DAB1: variants seen among roughly 807,000 people sequenced by gnomAD.
DAB1 encodes disabled homolog 1.
DAB1 carries 15 observed loss-of-function variants against 64.6 expected under a neutral mutation model. The ratio of observed to expected loss-of-function variants is 0.23; its 90% CI spans 0.16 to 0.36. The LOEUF is 0.36. DAB1 is among the 10% of genes least tolerant of loss of function. The pLI, the probability that DAB1 is intolerant of heterozygous loss-of-function variation, is 1.00. For missense variants in DAB1, 596 were observed against 706.7 expected (o/e 0.84, Z 1.78); for synonymous variants, 235 against 251.9 (o/e 0.93, Z 0.64).
chr1:58,364,947 T>C (rs1644203342), intron 3 of DAB1, among the ~76,000 whole-genome samples: 2 of 152,230 alleles, frequency 1.3e-5, no homozygotes, highest in African/African-American at 4.8e-5. Context: ...CTTACTCTGG[T>C]TGCTGTCATT....
chr1:57,727,268 T>C (rs533481172), intron 6 of DAB1, among the ~76,000 whole-genome samples: 4 of 152,246 alleles, frequency 2.6e-5, no homozygotes, highest in Admixed American at 6.5e-5. Flanking sequence ...TTTCAAGAGA[T>C]GTCAGGCAGG....
At chr1:57,577,186 C>T (rs1290899430) in intron 7 of DAB1, among the ~76,000 whole-genome samples, 3 of 152,130 alleles carry the variant, frequency 2.0e-5, no homozygotes, top group Admixed American at 6.5e-5. Flanking sequence ...TGCTATTACA[C>T]GAATCAAGGC....
intron 2 of DAB1, among the ~76,000 whole-genome samples, chr1:57,288,647 T>C (rs1351718695): frequency 6.6e-6 from 1 of 152,138 alleles, no homozygotes; most frequent in Non-Finnish European, 1.5e-5. Flanking sequence ...CATGTTTCTG[T>C]TGTTTAAGCT....
intron 1 of DAB1, among the ~76,000 whole-genome samples, chr1:57,343,541 C>A (rs892689915): frequency 1.3e-5 from 2 of 152,216 alleles, no homozygotes. Flanking sequence ...CAAGAGCCCA[C>A]GGAGGTCGGG....
chr1:58,102,378 T>C (rs1651376116), intron 5 of DAB1, among the ~76,000 whole-genome samples: 1 of 152,118 alleles, frequency 6.6e-6, no homozygotes, highest in Non-Finnish European at 1.5e-5. Context: ...GAGCACTTAG[T>C]TCTCTAGAGG....
chr1:58,524,583 A>T lies in DAB1; in HGVS notation n.107+2678T>A, dbSNP rs190449627. Reference sequence around the variant, plus strand: ...GCAAGGTTTTCATGCTTGCTGGTAGAGTTGCAGCTATGACTTCACAAATTT... The same window carrying T: ...GCAAGGTTTTCATGCTTGCTGGTAGTGTTGCAGCTATGACTTCACAAATTT... On this transcript the variant is annotated intron_variant and non_coding_transcript_variant, in intron 2 of 20. Coordinates refer to the DAB1 transcript ENST00000485760. Among the ~76,000 whole-genome samples, 10 of 152,374 alleles carry T rather than the reference A, an allele frequency of 6.6e-5. No individual in the cohort carries two copies. In the East Asian group the frequency reaches 1.9e-3, roughly 29 times the overall value.
At chr1:57,419,633 T>G (rs192457702) in intron 1 of DAB1, among the ~76,000 whole-genome samples, 2 of 152,220 alleles carry the variant, frequency 1.3e-5, no homozygotes, top group Non-Finnish European at 2.9e-5. Flanking sequence ...TGGGTTTTTA[T>G]CTCATTTGAA....
intron 2 of DAB1, among the ~76,000 whole-genome samples, chr1:57,152,366 G>A (rs1279606279): frequency 6.6e-6 from 1 of 152,168 alleles, no homozygotes; most frequent in African/African-American, 2.4e-5. Flanking sequence ...ACAACTAATA[G>A]GGAATGCTTT....
chr1:58,145,663 T>C (rs182273945), intron 5 of DAB1, among the ~76,000 whole-genome samples: 1 of 152,250 alleles, frequency 6.6e-6, no homozygotes, highest in Admixed American at 6.5e-5. Context: ...CAGCAGTCAC[T>C]CAGCTTTTAT....
intron 3 of DAB1, among the ~76,000 whole-genome samples, chr1:58,435,167 T>C (rs706426): frequency 0.58 from 88,151 of 151,902 alleles, 26,131 homozygotes; most frequent in African/African-American, 0.69. Context: ...GTCAGGGTAT[T>C]TTTTCTCTGC....
intron 6 of DAB1, among the ~76,000 whole-genome samples, chr1:57,813,723 G>T (rs1024603351): frequency 6.6e-6 from 1 of 152,146 alleles, no homozygotes; most frequent in African/African-American, 2.4e-5. Flanking sequence ...TAAATGAAGA[G>T]AAGACTACAG....
At chr1:57,652,866 C>T (rs1186116675) in intron 6 of DAB1, among the ~76,000 whole-genome samples, 2 of 152,154 alleles carry the variant, frequency 1.3e-5, no homozygotes, top group Non-Finnish European at 2.9e-5. Flanking sequence ...ATGTCTGGTT[C>T]CAAAGCCTAA....
intron 2 of DAB1, among the ~76,000 whole-genome samples, chr1:57,156,499 C>A (rs1401776693): frequency 6.6e-6 from 1 of 152,112 alleles, no homozygotes; most frequent in Non-Finnish European, 1.5e-5. Context: ...TCCAGATCTG[C>A]TGAATAACTG....
intron 1 of DAB1, among the ~76,000 whole-genome samples, chr1:57,364,785 C>A (rs1679833560): frequency 6.7e-6 from 1 of 150,186 alleles, no homozygotes; most frequent in Non-Finnish European, 1.5e-5. Flanking sequence ...CAATGTGATT[C>A]CACTTATATA....
intron 6 of DAB1, among the ~76,000 whole-genome samples, chr1:57,731,281 A>C (rs973374444): frequency 2.0e-5 from 3 of 152,164 alleles, no homozygotes; most frequent in Admixed American, 6.5e-5. Flanking sequence ...CAAACTCATA[A>C]AGACAGACAG....
At chr1:57,275,437 C>T (rs1322171209) in intron 2 of DAB1, among the ~76,000 whole-genome samples, 1 of 152,144 alleles carries the variant, frequency 6.6e-6, no homozygotes, top group Non-Finnish European at 1.5e-5. Flanking sequence ...AATAGTTGCA[C>T]TAATCACTTG....
rs1403644767 is a variant in DAB1 at position 57,569,251 on chromosome 1, C to T, written n.625+80341G>A. ...TCCAGCCTGGGCGACAGCGAGACTC[C>T]GTCTCAAAAAAAAAAAAAAAAAAGA... On this transcript the variant is annotated intron_variant and non_coding_transcript_variant, in intron 7 of 20. Coordinates refer to the DAB1 transcript ENST00000485760. 2.8e-4 allele frequency among the ~76,000 whole-genome samples: 9 copies of T among 31,940 alleles called. 1 individual carries two copies. The South Asian group carries it at 4.8e-3, about 17-fold the overall frequency. The allele number at this position is 31,940 out of a possible 152,430, so 21.0% of individuals were successfully genotyped here.
At chr1:57,660,584 G>T (rs772368784) in intron 6 of DAB1, among the ~76,000 whole-genome samples, 1 of 152,218 alleles carries the variant, frequency 6.6e-6, no homozygotes, top group African/African-American at 2.4e-5. Context: ...GACATGCTGC[G>T]TGACAGATTC....
intron 4 of DAB1, among the ~76,000 whole-genome samples, chr1:57,123,269 G>A (rs1396958277): frequency 6.6e-6 from 1 of 152,052 alleles, no homozygotes; most frequent in Non-Finnish European, 1.5e-5. Flanking sequence ...TCCAACTTCA[G>A]TCAATTCTTA....
Sources: allele counts gnomAD v4.1 joint callset (sites outside exome capture counted in the v4.1 genomes callset), GRCh38; gene constraint gnomAD v4.1.1; transcripts MANE v1.5; gene names NCBI Gene and HGNC (gene_info 2026-07-23, HGNC 2026-07-21).